L3MBTL1: variants seen among roughly 807,000 people sequenced by gnomAD.
The protein encoded by L3MBTL1 is lethal(3)malignant brain tumor-like protein 1.
In L3MBTL1, 75 loss-of-function variants were observed where a neutral mutation model predicts 105.3. The observed-to-expected ratio is 0.71, with a 90% CI of 0.59 to 0.86. The LOEUF (loss-of-function observed/expected upper bound fraction) is 0.86. L3MBTL1 is among the 40% of genes least tolerant of loss of function. The pLI is 0.00. For missense variants in L3MBTL1, 1,069 were observed against 1,126.4 expected, an observed-to-expected ratio of 0.95 and a Z score of 0.73; for synonymous variants, 452 against 436.2, an observed-to-expected ratio of 1.04 and a Z score of -0.45.
chr20:43,546,560 G>GT (rs1208270974), downstream of L3MBTL1, among the ~76,000 whole-genome samples: 1 of 152,116 alleles, frequency 6.6e-6, no homozygotes, highest in African/African-American at 2.4e-5. Flanking sequence ...ACATAGAAGT[G>GT]TTTTCATTGC....
At chr20:43,537,307 T>C (rs2019681106) in intron 19 of L3MBTL1, among the ~76,000 whole-genome samples, 1 of 152,230 alleles carries the variant, frequency 6.6e-6, no homozygotes, top group African/African-American at 2.4e-5. Flanking sequence ...GATCAAGGTG[T>C]TGGCAGGCTT....
intron 7 of L3MBTL1, among the ~76,000 whole-genome samples, chr20:43,525,099 A>G (rs914967089): frequency 6.8e-6 from 1 of 147,458 alleles, no homozygotes; most frequent in East Asian, 2.1e-4. Flanking sequence ...GTAGAATGGA[A>G]GGATCCTGGG....
chr20:43,514,869 G>A (rs1197987265), intron 4 of L3MBTL1, 93 bp downstream of exon 4: 2 of 1,458,900 alleles, frequency 1.4e-6, no homozygotes, highest in Admixed American at 4.5e-5. Flanking sequence ...GCCCGGGGTG[G>A]TCCTGGGGTG....
intron 1 of L3MBTL1, among the ~76,000 whole-genome samples, chr20:43,512,427 C>A (rs187210832): frequency 6.6e-6 from 1 of 152,194 alleles, no homozygotes; most frequent in Admixed American, 6.5e-5. Flanking sequence ...CCCAGGCTAG[C>A]CTCAAACTCC....
Position 43,532,826 on chromosome 20 carries a change from C to T in L3MBTL1, c.1338C>T (p.Arg446=). ...GCATGAAGCTGGAGGCTGTTGACCGCATGAACCCGTCCCTTGTCTGCGTGG... is the reference window on the plus strand; with the variant it reads ...GCATGAAGCTGGAGGCTGTTGACCGTATGAACCCGTCCCTTGTCTGCGTGG... ...QVGMKLEAVD[R]MNPSLVCVAS... Residue 446 remains arginine, a synonymous_variant, in exon 12 of 22, where the codon CGC becomes CGT. Coordinates refer to ENST00000418998, the MANE Select transcript of L3MBTL1 (RefSeq NM_001377303.1). 6.2e-7 allele frequency: 1 copy of T among 1,614,210 alleles called. No homozygotes were observed. The highest frequency in any genetic ancestry group is 8.5e-7 in the Non-Finnish European group (1 of 1,180,028).
chr20:43,515,892 G>A, intron 6 of L3MBTL1: 3 of 569,384 alleles, frequency 5.3e-6, no homozygotes, highest in Non-Finnish European at 9.5e-6. Context: ...ATTAGGATGT[G>A]CATGCTCATG....
chr20:43,534,866 G>T lies in L3MBTL1; in HGVS notation c.1749G>T (p.Trp583Cys). 4 of 1,610,954 alleles carry T rather than the reference G, an allele frequency of 2.5e-6. No individual in the cohort carries two copies. The highest frequency in any genetic ancestry group is 3.4e-6 in the Non-Finnish European group (4 of 1,179,732). Residue 583 changes from tryptophan to cysteine, a missense_variant, in exon 16 of 22, where the codon TGG becomes TGT. Transcript: ENST00000418998. ...FDGWSHGYDFWIDADHPDIHP... is the reference protein window; with the variant it reads ...FDGWSHGYDFCIDADHPDIHP... ...GCTGGAGTCATGGCTATGATTTCTG[G>T]ATCGACGCTGACCACCCAGACATCC...
In L3MBTL1 at chr20:43,528,745, C is replaced by A. The variant is rs201459036; in HGVS notation, c.951C>A (p.Asp317Glu). 1 of 1,611,560 alleles carries A rather than the reference C, an allele frequency of 6.2e-7. No homozygotes were observed. The highest frequency in any genetic ancestry group is 1.7e-5 in the Admixed American group (1 of 60,014). ...CTGCTCCAGTCAGCCTCTTCCAGGA[C>A]GTGAGTTGGACAATTTCCCCGTAGG... ...AITAPVSLFQ[D>E]SQAVTHNKNG... The change falls in exon 8 of 22, where the codon GAC becomes GAA. Residue 317 changes from aspartate to glutamate, a missense_variant and splice_region_variant. Physicochemically the swap from Asp to Glu is conservative, Grantham distance 45. Transcript: ENST00000418998.
At position 43,547,250 on chromosome 20, in the gene L3MBTL1, G is replaced by A. The variant is rs376696757; in HGVS notation, c.2125-861G>A. On this transcript the variant is annotated intron_variant, in intron 18 of 18. Transcript: ENST00000422861. ...CTCCCGAGTAGCTGGGACTGCAGGC[G>A]CCCGCCACCACGCCCAGCTAATTTT... Among the ~76,000 whole-genome samples, 16 of 151,962 alleles carry A rather than the reference G, an allele frequency of 1.1e-4. 1 individual carries two copies. The highest frequency in any genetic ancestry group is 3.9e-4 in the East Asian group (2 of 5,168).
Position 43,514,684 on chromosome 20 carries a change from C to G in L3MBTL1, c.410C>G (p.Pro137Arg). 1 of 1,586,626 alleles carries G rather than the reference C, an allele frequency of 6.3e-7. No homozygotes were observed. Among genetic ancestry groups the G allele is most frequent in the Non-Finnish European group, 8.6e-7 (1 of 1,166,834 alleles). Residue 137 changes from proline (P) to arginine (R), a missense_variant, in exon 4 of 22, where the codon CCC (proline) becomes CGC (arginine). Transcript: ENST00000418998. ...CTGAACATGGCGGGAGTGGAGCAGCCCCCGAGCCCCGAGCTGCGGCAGGAA... is the reference window on the plus strand; with the variant it reads ...CTGAACATGGCGGGAGTGGAGCAGCGCCCGAGCCCCGAGCTGCGGCAGGAA... ...KPLNMAGVEQ[P>R]PSPELRQEGV...
chr20:43,536,045 G>T (rs1460164847), intron 17 of L3MBTL1, 52 bp from the exon 18 acceptor site: 1 of 1,598,108 alleles, frequency 6.3e-7, no homozygotes. Flanking sequence ...GGCTGAGGAG[G>T]GCTCAGCGGG....
intron 1 of L3MBTL1, among the ~76,000 whole-genome samples, chr20:43,512,355 T>C (rs923623748): frequency 6.6e-6 from 1 of 152,126 alleles, no homozygotes; most frequent in African/African-American, 2.4e-5. Context: ...AATACAATAG[T>C]CATAGCTACT....
At chr20:43,549,798 T>G (rs1978871762) in exon 19 of L3MBTL1, 1 of 152,132 alleles carries the variant, frequency 6.6e-6, no homozygotes, top group East Asian at 1.9e-4. Flanking sequence ...TGAGGCTTAG[T>G]GTTGGGAAAA....
At chr20:43,539,934 T>G (rs1236806749) in intron 19 of L3MBTL1, 1 of 634,278 alleles carries the variant, frequency 1.6e-6, no homozygotes, top group Admixed American at 2.2e-5. Flanking sequence ...ATAGCTGACC[T>G]GAGAGTCTTT....
rs372131164 is a variant in L3MBTL1 at position 43,515,052 on chromosome 20, C to T, written c.546C>T (p.Pro182=). 2.5e-6 allele frequency: 4 copies of T among 1,614,126 alleles called. No individual in the cohort carries two copies. Among genetic ancestry groups the T allele is most frequent in the Non-Finnish European group, 3.4e-6 (4 of 1,179,966 alleles). Residue 182 remains proline (P), a synonymous_variant, in exon 5 of 22, where the codon CCC becomes CCT. Transcript: ENST00000418998. ...QNPPEDPNQD[P]PEDDSTCQCQ... The stretch of plus-strand genomic sequence containing the variant: ...CTCCAGAAGATCCCAATCAGGACCC[C>T]CCAGAGGATGATAGCACCTGTCAGT...
chr20:43,511,568 G>A (rs1234397264), intron 1 of L3MBTL1, among the ~76,000 whole-genome samples: 1 of 152,066 alleles, frequency 6.6e-6, no homozygotes, highest in African/African-American at 2.4e-5. Context: ...GATCACCTGA[G>A]GTCAGGAGTT....
chr20:43,546,626 C>A (rs1361340303), downstream of L3MBTL1, among the ~76,000 whole-genome samples: 2 of 152,042 alleles, frequency 1.3e-5, no homozygotes, highest in Non-Finnish European at 1.5e-5. Flanking sequence ...AAACAGCGTC[C>A]CCCAGCTCAG....
Position 43,536,113 on chromosome 20 carries a change from G to T in L3MBTL1, c.1942G>T (p.Gly648Cys). 1.2e-6 allele frequency: 2 copies of T among 1,613,334 alleles called. No individual in the cohort carries two copies. Among genetic ancestry groups the T allele is most frequent in the Non-Finnish European group, 8.5e-7 (1 of 1,180,030 alleles). ...CTTCCCCAGGAAGTGCCCCACTCCT[G>T]GTTGCGACGGCTCTGGCCATGTCAC... ...SFHHRKCPTPGCDGSGHVTGK... is the reference protein window; with the variant it reads ...SFHHRKCPTPCCDGSGHVTGK... The change falls in exon 18 of 22, where the codon GGT becomes TGT. Residue 648 changes from glycine (G) to cysteine (C), a missense_variant. Physicochemically the swap from Gly to Cys is radical, Grantham distance 159 (BLOSUM62 -3). Transcript: ENST00000418998.
intron 13 of L3MBTL1, among the ~76,000 whole-genome samples, chr20:43,533,665 CAG>C (rs145557945): frequency 0.014 from 2,118 of 152,292 alleles, 23 homozygotes; most frequent in Non-Finnish European, 0.022. Flanking sequence ...AGCAAGGAAA[CAG>C]GGAATCAGAA....
Sources: allele counts gnomAD v4.1 joint callset (sites outside exome capture counted in the v4.1 genomes callset), GRCh38; gene constraint gnomAD v4.1.1; transcripts MANE v1.5; gene names NCBI Gene and HGNC (gene_info 2026-07-23, HGNC 2026-07-21).